The following CHDH variants were observed in gnomAD, a reference collection of about 807,000 sequenced individuals.
CHDH encodes the protein choline dehydrogenase, mitochondrial.
In CHDH, 43 loss-of-function variants were observed where a neutral mutation model predicts 56.9. That is an observed-to-expected ratio of 0.76 (90% confidence interval 0.59 to 0.97). The LOEUF is 0.97. CHDH is among the 50% of genes least tolerant of loss of function. The pLI is 0.00. For missense variants in CHDH, 816 were observed against 821.1 expected, an observed-to-expected ratio of 0.99 and a Z score of 0.08; for synonymous variants, 364 against 348.5, an observed-to-expected ratio of 1.04 and a Z score of -0.50.
In CHDH at chr3:53,812,431, G is replaced by GAGTC. The variant is rs1198661919; in HGVS notation, c.*5342_*5345dup. On this transcript the variant is annotated 3_prime_UTR_variant, in exon 9 of 9. Transcript: ENST00000315251. ...TACAGAAATTTTTCTAAAATATTTTGAGTCACTATAAACCTATCATCTTTC... is the reference window on the plus strand; with the variant it reads ...TACAGAAATTTTTCTAAAATATTTTGAGTCAGTCACTATAAACCTATCATCTTTC... 1.3e-5 allele frequency: 2 copies of GAGTC among 152,160 alleles called. No homozygotes were observed. Among genetic ancestry groups the GAGTC allele is most frequent in the African/African-American group, 4.8e-5 (2 of 41,432 alleles). 9.4% of individuals were successfully genotyped at this position (152,160 alleles called of 1,614,324 possible).
chr3:53,822,387 A>C (rs1207469768), intron 4 of CHDH, 104 bp downstream of exon 4: 1 of 1,082,168 alleles, frequency 9.2e-7, no homozygotes, highest in Admixed American at 2.1e-5. Flanking sequence ...AGGGATGAGC[A>C]CGTGGGTCTG....
intron 1 of CHDH, among the ~76,000 whole-genome samples, chr3:53,845,839 G>A (rs1698858190): frequency 1.3e-5 from 2 of 152,238 alleles, no homozygotes. Context: ...CCTGGGGTCG[G>A]GCAGCGGGCA....
At chr3:53,843,179 C>A (rs1698730403) in intron 1 of CHDH, among the ~76,000 whole-genome samples, 1 of 87,794 alleles carries the variant, frequency 1.1e-5, no homozygotes, top group African/African-American at 3.8e-5. Flanking sequence ...AGGGAATTTC[C>A]CCCCCCACCT....
chr3:53,818,826 G>T, intron 8 of CHDH, 112 bp downstream of exon 8: 1 of 777,726 alleles, frequency 1.3e-6, no homozygotes, highest in Non-Finnish European at 2.3e-6. Context: ...GACGACAGAG[G>T]GTCACTTGTG....
chr3:53,838,987 T>C (rs999751796), intron 2 of CHDH, among the ~76,000 whole-genome samples: 1 of 152,130 alleles, frequency 6.6e-6, no homozygotes, highest in African/African-American at 2.4e-5. Flanking sequence ...GCAGTGTCCC[T>C]GCTACTAGTG....
At chr3:53,838,553 C>T (rs1359984815) in intron 2 of CHDH, among the ~76,000 whole-genome samples, 1 of 152,178 alleles carries the variant, frequency 6.6e-6, no homozygotes, top group African/African-American at 2.4e-5. Context: ...TGTCCCAGCT[C>T]TTATGCAGTC....
rs1340666648 is a variant in CHDH at position 53,814,706 on chromosome 3, G to A, written c.*3071C>T. Reference sequence around the variant, plus strand: ...AGACAGTCTCACTCTGTCACCCAGGGTGGAGTGCAGTGGTGCAATCTTGGC... The same window carrying A: ...AGACAGTCTCACTCTGTCACCCAGGATGGAGTGCAGTGGTGCAATCTTGGC... On this transcript the variant is annotated 3_prime_UTR_variant, in exon 9 of 9. Coordinates refer to ENST00000315251, the MANE Select transcript of CHDH (RefSeq NM_018397.5). The A allele has an allele frequency of 6.6e-6, 1 of 152,092 alleles. No individual in the cohort carries two copies. The highest frequency in any genetic ancestry group is 1.5e-5 in the Non-Finnish European group (1 of 68,022). 9.4% of individuals were successfully genotyped at this position (152,092 alleles called of 1,614,324 possible). A position where few individuals can be genotyped will look rare whatever the true frequency, so the allele number is the denominator to read the frequency against.
Position 53,823,329 on chromosome 3 carries a change from C to A in CHDH, c.680G>T (p.Trp227Leu). Residue 227 changes from tryptophan to leucine, a missense_variant, in exon 3 of 9, where the codon TGG (tryptophan) becomes TTG (leucine). Transcript: ENST00000315251. Reference protein sequence around the residue: ...MNGFQQEGFGWMDMTIHEGKR... With the variant: ...MNGFQQEGFGLMDMTIHEGKR... ...ACCTTCATGGATGGTCATGTCCATC[C>A]AGCCGAAGCCCTCCTGCTGGAAGCC... The A allele has an allele frequency of 6.3e-7, 1 of 1,582,416 alleles. No homozygotes were observed. Among genetic ancestry groups the A allele is most frequent in the Non-Finnish European group, 8.6e-7 (1 of 1,163,094 alleles).
Position 53,838,056 on chromosome 3 carries a change from CAAAAAAAAAAAAA to C in CHDH, c.-60+2860_-60+2872del, listed in dbSNP as rs34971544. 1.4e-4 allele frequency among the ~76,000 whole-genome samples: 8 copies of C among 58,788 alleles called. 1 individual carries two copies. The highest frequency in any genetic ancestry group is 7.5e-4 in the Admixed American group (3 of 4,024). 38.6% of individuals were successfully genotyped at this position (58,788 alleles called of 152,430 possible). ...TGGGCGACAGAGTGAGACTCTGTCT[CAAAAAAAAAAAAA>C]AAAAAAAAAAAAAAAGAGACTGTAA... is the stretch of plus-strand genomic sequence containing the variant. On this transcript the variant is annotated intron_variant, in intron 2 of 8. Coordinates refer to ENST00000315251, the MANE Select transcript of CHDH (RefSeq NM_018397.5).
chr3:53,818,174 C>A lies in CHDH; in HGVS notation c.1388G>T (p.Arg463Leu). The change falls in exon 9 of 9, where the codon CGT becomes CTT. Residue 463 changes from arginine (R) to leucine (L), a missense_variant. Coordinates refer to ENST00000315251, the MANE Select transcript of CHDH (RefSeq NM_018397.5). ...LSTETDIEDF[R>L]LCVKLTREIF... ...TTCTCTGGTGAGCTTCACACACAGA[C>A]GGAAATCCTCAATATCAGTTTCTGT... 2 of 1,608,618 alleles carry A rather than the reference C, an allele frequency of 1.2e-6. No homozygotes were observed. Among genetic ancestry groups the A allele is most frequent in the Non-Finnish European group, 1.7e-6 (2 of 1,177,952 alleles).
At chr3:53,841,902 T>C (rs1462338212) in intron 1 of CHDH, among the ~76,000 whole-genome samples, 1 of 152,074 alleles carries the variant, frequency 6.6e-6, no homozygotes, top group African/African-American at 2.4e-5. Context: ...ATCCCAGCAC[T>C]TTGGGAGGCC....
chr3:53,843,500 G>A (rs916822775), intron 1 of CHDH, among the ~76,000 whole-genome samples: 1 of 152,092 alleles, frequency 6.6e-6, no homozygotes, highest in Non-Finnish European at 1.5e-5. Context: ...CAGGGCCATA[G>A]GTACTTGACC....
chr3:53,818,103 G>A lies in CHDH; in HGVS notation c.1459C>T (p.Gln487Ter). ...TCTGACTGAATGTGGCTTCCTGGCTGGAGCTCTTTCCCTCGGAACGGAGCC... is the reference window on the plus strand; with the variant it reads ...TCTGACTGAATGTGGCTTCCTGGCTAGAGCTCTTTCCCTCGGAACGGAGCC... Reference protein sequence around the residue: ...ALAPFRGKELQPGSHIQSDKE... With the variant: ...ALAPFRGKEL The change falls in exon 9 of 9, where the codon CAG (glutamine) becomes TAG (stop). Residue 487 changes from glutamine to a stop codon, truncating the protein, a stop_gained. Coordinates refer to ENST00000315251, the MANE Select transcript of CHDH (RefSeq NM_018397.5). LOFTEE classifies it high-confidence loss of function. The A allele has an allele frequency of 6.2e-7, 1 of 1,614,032 alleles. No homozygotes were observed.
chr3:53,830,956 G>C (rs1576794796), intron 2 of CHDH, among the ~76,000 whole-genome samples: 1 of 152,092 alleles, frequency 6.6e-6, no homozygotes, highest in Non-Finnish European at 1.5e-5. Context: ...AGAGCACCAA[G>C]AGGGCTCTTG....
rs1698352008 is a variant in CHDH at position 53,832,086 on chromosome 3, G to A, written c.-59-8019C>T. On this transcript the variant is annotated intron_variant, in intron 2 of 8. Coordinates refer to ENST00000315251, the MANE Select transcript of CHDH (RefSeq NM_018397.5). ...AGACAGGTTAGCAGTTCCTCAAAAA[G>A]CTAACACAGACCATGTGATTCAGTA... Among the ~76,000 whole-genome samples, 3 of 152,182 alleles carry A rather than the reference G, an allele frequency of 2.0e-5. No homozygotes were observed. The South Asian group carries it at 6.2e-4, about 31-fold the overall frequency.
Position 53,846,309 on chromosome 3 carries a change from T to TGCACCTGGC in CHDH, c.-366_-358dup. The TGCACCTGGC allele has an allele frequency of 2.6e-6, 1 of 380,728 alleles. No individual in the cohort carries two copies. Among genetic ancestry groups the TGCACCTGGC allele is most frequent in the Middle Eastern group, 6.9e-4 (1 of 1,458 alleles). The allele number at this position is 380,728 out of a possible 1,614,324, so 23.6% of individuals were successfully genotyped here. A position where few individuals can be genotyped will look rare whatever the true frequency, so the allele number is the denominator to read the frequency against. On this transcript the variant is annotated 5_prime_UTR_variant, in exon 1 of 9. Coordinates refer to ENST00000315251, the MANE Select transcript of CHDH (RefSeq NM_018397.5). ...GAAGCCCGAGGGCGGGTGCAGCTGA[T>TGCACCTGGC]GCACCTGGCTCACTGCATGCACGTG...
chr3:53,839,701 A>C (rs1397549447), intron 2 of CHDH, among the ~76,000 whole-genome samples: 1 of 152,196 alleles, frequency 6.6e-6, no homozygotes, highest in African/African-American at 2.4e-5. Context: ...CAACAATCCC[A>C]CTACTGGGCT....
At chr3:53,836,742 C>A (rs1698508897) in intron 2 of CHDH, among the ~76,000 whole-genome samples, 1 of 152,218 alleles carries the variant, frequency 6.6e-6, no homozygotes, top group Admixed American at 6.5e-5. Context: ...CAAACCCAAC[C>A]TGCGCAGTCT....
chr3:53,820,536 T>A lies in CHDH; in HGVS notation c.1058A>T (p.His353Leu). 2.5e-6 allele frequency: 4 copies of A among 1,614,092 alleles called. No individual in the cohort carries two copies. Among genetic ancestry groups the A allele is most frequent in the Non-Finnish European group, 3.4e-6 (4 of 1,179,970 alleles). The change falls in exon 6 of 9, where the codon CAT becomes CTT. Residue 353 changes from histidine to leucine, a missense_variant. Transcript: ENST00000315251. ...CTTCCGCAGGGGCTTCTGTGCTGAA[T>A]GGAGGGTGATAGGGCGGGTGCATGC... The part of the protein sequence containing the change: ...QQACTRPITL[H>L]SAQKPLRKVC...
Sources: gnomAD v4.1 joint callset for allele counts (sites outside exome capture counted in the v4.1 genomes callset) on GRCh38, gnomAD v4.1.1 for gene constraint, MANE v1.5 for transcripts, NCBI Gene and HGNC (gene_info 2026-07-23, HGNC 2026-07-21) for gene names.